Variants in B4GALT6 observed in about 807,000 individuals in gnomAD.
B4GALT6 encodes UDP-Gal:beta-GlcNAc beta-1,4-galactosyltransferase 6.
B4GALT6 carries 14 observed loss-of-function variants against 46.3 expected under a neutral mutation model. The ratio of observed to expected loss-of-function variants is 0.30; its 90% confidence interval spans 0.20 to 0.47. B4GALT6 has a LOEUF of 0.47. B4GALT6 is among the 20% of genes least tolerant of loss of function. The pLI is 0.99. For synonymous variants in B4GALT6, 168 were observed against 162.0 expected, an observed-to-expected ratio of 1.04 and a Z score of -0.28; for missense variants, 386 against 480.1, an observed-to-expected ratio of 0.80 and a Z score of 1.83.
the B4GALT6 span, chr18:31,724,405 TG>T: frequency 9.2e-7 from 1 of 1,082,262 alleles, no homozygotes; most frequent in Non-Finnish European, 1.1e-6. Flanking sequence ...AACTTAGCCC[TG>T]GTCTTCCCGC....
the B4GALT6 span, among the ~76,000 whole-genome samples, chr18:31,696,830 C>T: frequency 6.6e-6 from 1 of 152,046 alleles, no homozygotes; most frequent in African/African-American, 2.4e-5. Context: ...GATATTAAAC[C>T]CTGAGTCATT....
At chr18:31,629,357 T>C (rs932739261) in intron 6 of B4GALT6, among the ~76,000 whole-genome samples, 11 of 151,626 alleles carry the variant, frequency 7.3e-5, no homozygotes, top group Non-Finnish European at 1.5e-4. Flanking sequence ...ATTGATATTT[T>C]CAAGTTAACA....
At chr18:31,659,466 G>A (rs1283684348) in intron 2 of B4GALT6, among the ~76,000 whole-genome samples, 2 of 152,206 alleles carry the variant, frequency 1.3e-5, no homozygotes, top group Non-Finnish European at 2.9e-5. Flanking sequence ...CCCTGCCACG[G>A]CTGCTAAGCA....
the B4GALT6 span, among the ~76,000 whole-genome samples, chr18:31,698,610 A>C: frequency 2.6e-5 from 4 of 151,950 alleles, no homozygotes; most frequent in Admixed American, 6.6e-5. Flanking sequence ...CAGCCTGGGC[A>C]ACAAAGCAAG....
the B4GALT6 span, among the ~76,000 whole-genome samples, chr18:31,696,291 GC>G: frequency 5.9e-5 from 9 of 152,250 alleles, no homozygotes; most frequent in Admixed American, 2.0e-4. Flanking sequence ...TCCATCATAC[GC>G]GTATTTGGCA....
At chr18:31,642,548 A>G (rs2073942763) in intron 4 of B4GALT6, among the ~76,000 whole-genome samples, 1 of 152,194 alleles carries the variant, frequency 6.6e-6, no homozygotes. Context: ...TGGAAAGTCA[A>G]TGTCACAGGT....
chr18:31,717,638 T>C, the B4GALT6 span, among the ~76,000 whole-genome samples: 1 of 152,136 alleles, frequency 6.6e-6, no homozygotes, highest in African/African-American at 2.4e-5. Flanking sequence ...CAAAACAGAA[T>C]GGAGAATACC....
At chr18:31,701,271 G>A in the B4GALT6 span, among the ~76,000 whole-genome samples, 9 of 152,268 alleles carry the variant, frequency 5.9e-5, no homozygotes, top group South Asian at 1.9e-3. Context: ...GTTGTAAAGT[G>A]TGTAGCACCT....
chr18:31,626,733 C>A (rs773673502), intron 7 of B4GALT6, among the ~76,000 whole-genome samples: 50 of 152,142 alleles, frequency 3.3e-4, no homozygotes, highest in Admixed American at 7.2e-4. Flanking sequence ...CCGAAACCAT[C>A]CTCCTGGGTC....
chr18:31,684,204 T>C (rs897829284), intron 1 of B4GALT6, 108 bp downstream of exon 1: 43 of 1,531,566 alleles, frequency 2.8e-5, no homozygotes, highest in Non-Finnish European at 3.6e-5. Context: ...AACGCTTTTC[T>C]GCGGGCCCCT....
At chr18:31,668,235 A>T (rs1057128278) in intron 1 of B4GALT6, among the ~76,000 whole-genome samples, 1 of 152,138 alleles carries the variant, frequency 6.6e-6, no homozygotes, top group Non-Finnish European at 1.5e-5. Flanking sequence ...GCATGTTCTC[A>T]CTTGTAAGTG....
intron 6 of B4GALT6, among the ~76,000 whole-genome samples, chr18:31,628,960 C>T (rs1292121638): frequency 6.6e-6 from 1 of 152,170 alleles, no homozygotes; most frequent in African/African-American, 2.4e-5. Flanking sequence ...TTTCACCTTG[C>T]CACCCTTGAG....
chr18:31,674,537 A>G (rs1008382571), intron 1 of B4GALT6, among the ~76,000 whole-genome samples: 3 of 152,226 alleles, frequency 2.0e-5, no homozygotes. Flanking sequence ...GCACCACTCA[A>G]TAATAACTAC....
chr18:31,695,208 G>A, the B4GALT6 span, among the ~76,000 whole-genome samples: 1 of 151,388 alleles, frequency 6.6e-6, no homozygotes. Flanking sequence ...AGGAAAACTT[G>A]TTAAAGGAGG....
At chr18:31,695,577 A>C in the B4GALT6 span, among the ~76,000 whole-genome samples, 11 of 152,214 alleles carry the variant, frequency 7.2e-5, no homozygotes, top group Non-Finnish European at 1.6e-4. Flanking sequence ...ATGCATAGAC[A>C]CAACATTTCT....
the B4GALT6 span, among the ~76,000 whole-genome samples, chr18:31,696,410 C>T: frequency 2.0e-5 from 3 of 152,196 alleles, no homozygotes; most frequent in Non-Finnish European, 4.4e-5. Context: ...TATTTTATTC[C>T]TATCAAGTCT....
chr18:31,691,345 A>ATATG, the B4GALT6 span, among the ~76,000 whole-genome samples: 1 of 84,458 alleles, frequency 1.2e-5, no homozygotes, highest in Non-Finnish European at 2.5e-5. Context: ...ATATATATAT[A>ATATG]TTGCTCTGGG....
intron 7 of B4GALT6, among the ~76,000 whole-genome samples, chr18:31,626,594 G>T (rs886824539): frequency 1.3e-5 from 2 of 152,136 alleles, no homozygotes; most frequent in Non-Finnish European, 2.9e-5. Flanking sequence ...CCTCCTGTCG[G>T]ATCAGCGAAT....
intron 3 of B4GALT6, among the ~76,000 whole-genome samples, chr18:31,646,625 G>A (rs1231023412): frequency 2.0e-5 from 3 of 152,164 alleles, no homozygotes; most frequent in Non-Finnish European, 2.9e-5. Context: ...ACCAACAAAT[G>A]TTGAGGTTTC....
Sources: gnomAD v4.1 joint callset for allele counts (sites outside exome capture counted in the v4.1 genomes callset) on GRCh38, gnomAD v4.1.1 for gene constraint, MANE v1.5 for transcripts, NCBI Gene and HGNC (gene_info 2026-07-23, HGNC 2026-07-21) for gene names.